PREP: variants seen among roughly 807,000 people sequenced by gnomAD.
PREP encodes the protein prolyl endopeptidase.
In PREP, 29 loss-of-function variants were observed where a neutral mutation model predicts 87.6. The ratio of observed to expected loss-of-function variants is 0.33; its 90% CI spans 0.25 to 0.45. The LOEUF (loss-of-function observed/expected upper bound fraction) is 0.45. Among genes scored for constraint, PREP ranks in the 20% least tolerant of loss-of-function variants. The pLI is 1.00. For missense variants in PREP, 695 were observed against 886.5 expected, an observed-to-expected ratio of 0.78 and a Z score of 2.74; for synonymous variants, 337 against 328.6, an observed-to-expected ratio of 1.03 and a Z score of -0.28.
chr6:105,397,055 C>T (rs1465839375), intron 2 of PREP, among the ~76,000 whole-genome samples: 6 of 152,016 alleles, frequency 3.9e-5, no homozygotes, highest in Admixed American at 3.9e-4. Context: ...TGTGGTGGCA[C>T]ATGCCTGTAA....
chr6:105,347,410 C>G (rs2114677047), intron 7 of PREP, among the ~76,000 whole-genome samples: 1 of 152,276 alleles, frequency 6.6e-6, no homozygotes, highest in Non-Finnish European at 1.5e-5. Context: ...TTAGGTACTC[C>G]TACATTTTAA....
At chr6:105,313,844 T>A (rs1770807744) in intron 10 of PREP, among the ~76,000 whole-genome samples, 1 of 152,212 alleles carries the variant, frequency 6.6e-6, no homozygotes, top group East Asian at 1.9e-4. Flanking sequence ...CAACCAGAGA[T>A]AAGATGACAA....
rs185240914 is a variant in PREP at position 105,357,076 on chromosome 6, T to G, written c.718-3999A>C. On this transcript the variant is annotated intron_variant, in intron 6 of 14. Transcript: ENST00000652536. ...TTCTATTATCCTTAAGCTTTTAATA[T>G]ACATGGCTAACAAAACTGTTCAGAA... is the stretch of plus-strand genomic sequence containing the variant. 2.6e-5 allele frequency among the ~76,000 whole-genome samples: 4 copies of G among 152,328 alleles called. 1 individual carries two copies. Among genetic ancestry groups the G allele is most frequent in the Middle Eastern group, 6.8e-3 (2 of 294 alleles).
chr6:105,387,867 C>T (rs773657112), intron 2 of PREP, among the ~76,000 whole-genome samples: 2 of 152,172 alleles, frequency 1.3e-5, no homozygotes, highest in Non-Finnish European at 1.5e-5. Context: ...TCTGGTCCTC[C>T]CAAGCTACAA....
In PREP at chr6:105,349,898, T is replaced by TAAA. The variant is rs1162063177; in HGVS notation, c.823+3071_823+3073dup. Reference sequence around the variant, plus strand: ...AGGATAACAAAATTGGGGAAGCAGGTAAAAAAAAAAAAAAAAAAAAAAAAG... The same window carrying TAAA: ...AGGATAACAAAATTGGGGAAGCAGGTAAAAAAAAAAAAAAAAAAAAAAAAAAAG... On this transcript the variant is annotated intron_variant, in intron 7 of 14. Coordinates refer to ENST00000652536, the MANE Select transcript of PREP (RefSeq NM_002726.5). Among the ~76,000 whole-genome samples the TAAA allele has an allele frequency of 3.5e-3, 206 of 59,396 alleles. 6 individuals carry two copies. The highest frequency in any genetic ancestry group is 0.033 in the East Asian group (71 of 2,150). 39.0% of individuals were successfully genotyped at this position (59,396 alleles called of 152,430 possible). A position where few individuals can be genotyped will look rare whatever the true frequency, so the allele number is the denominator to read the frequency against.
At chr6:105,296,013 C>T (rs1770401847) in intron 10 of PREP, among the ~76,000 whole-genome samples, 1 of 152,200 alleles carries the variant, frequency 6.6e-6, no homozygotes, top group South Asian at 2.1e-4. Flanking sequence ...AGACATGATA[C>T]TGCTAAATCG....
chr6:105,371,348 C>CA (rs996001522), intron 5 of PREP, among the ~76,000 whole-genome samples: 7 of 151,150 alleles, frequency 4.6e-5, no homozygotes, highest in African/African-American at 1.2e-4. Flanking sequence ...ACTAAAAATA[C>CA]AAAAAAAATT....
intron 6 of PREP, among the ~76,000 whole-genome samples, chr6:105,367,237 C>T (rs1318988867): frequency 6.6e-6 from 1 of 151,994 alleles, no homozygotes; most frequent in Non-Finnish European, 1.5e-5. Flanking sequence ...TATTTCATAT[C>T]TATGGTACGC....
At chr6:105,287,170 T>C (rs1309805237) in intron 11 of PREP, among the ~76,000 whole-genome samples, 1 of 152,090 alleles carries the variant, frequency 6.6e-6, no homozygotes, top group Non-Finnish European at 1.5e-5. Flanking sequence ...CAAAGAATAA[T>C]ATGGCATGTA....
rs915936712 is a variant in PREP at position 105,376,734 on chromosome 6, A to C, written c.255-479T>G. 1.1e-4 allele frequency among the ~76,000 whole-genome samples: 17 copies of C among 152,220 alleles called. 1 individual carries two copies. The highest frequency in any genetic ancestry group is 4.1e-4 in the African/African-American group (17 of 41,448). The stretch of plus-strand genomic sequence containing the variant: ...CTGTCACTATAATACTCAGGCCTGT[A>C]GCTGCAGCACAAAAGCAGCTATGGA... On this transcript the variant is annotated intron_variant, in intron 3 of 14. Transcript: ENST00000652536.
At chr6:105,387,294 G>C (rs1434317592) in intron 2 of PREP, among the ~76,000 whole-genome samples, 1 of 152,088 alleles carries the variant, frequency 6.6e-6, no homozygotes, top group Non-Finnish European at 1.5e-5. Flanking sequence ...TTTAACTGCT[G>C]TTTTCCCAAA....
At chr6:105,392,273 C>A (rs950227672) in intron 2 of PREP, among the ~76,000 whole-genome samples, 1 of 151,986 alleles carries the variant, frequency 6.6e-6, no homozygotes, top group African/African-American at 2.4e-5. Flanking sequence ...CTCCTGACCT[C>A]GTGATCCGCC....
At chr6:105,318,836 C>T (rs1057508186) in intron 10 of PREP, among the ~76,000 whole-genome samples, 5 of 152,232 alleles carry the variant, frequency 3.3e-5, no homozygotes, top group African/African-American at 1.2e-4. Flanking sequence ...TGGGAAGACA[C>T]TGCCACTCGT....
intron 2 of PREP, among the ~76,000 whole-genome samples, chr6:105,390,223 C>G (rs575316875): frequency 6.6e-6 from 1 of 152,282 alleles, no homozygotes; most frequent in East Asian, 1.9e-4. Flanking sequence ...TCACTTCCAG[C>G]TAGTCAGTGA....
At chr6:105,331,533 T>C (rs188299464) in intron 8 of PREP, among the ~76,000 whole-genome samples, 1 of 152,336 alleles carries the variant, frequency 6.6e-6, no homozygotes, top group Admixed American at 6.5e-5. Context: ...TGAAGACTTA[T>C]GCCACCCAAG....
chr6:105,302,913 G>A (rs949789705), intron 10 of PREP: 11 of 225,134 alleles, frequency 4.9e-5, no homozygotes, highest in South Asian at 4.1e-4. Flanking sequence ...CCTCAGGTCC[G>A]GAGCTCAAAG....
intron 10 of PREP, among the ~76,000 whole-genome samples, chr6:105,293,523 C>T (rs1770343712): frequency 6.7e-6 from 1 of 149,294 alleles, no homozygotes; most frequent in Non-Finnish European, 1.5e-5. Flanking sequence ...GACACAGAGG[C>T]ATGAATAAGC....
intron 10 of PREP, among the ~76,000 whole-genome samples, chr6:105,312,236 T>C (rs1217480865): frequency 2.6e-5 from 4 of 152,340 alleles, no homozygotes; most frequent in African/African-American, 7.2e-5. Flanking sequence ...CTTGTATGCA[T>C]ATATTAATGT....
At chr6:105,303,025 T>TTAATCCATG (rs553057588) in intron 10 of PREP, among the ~76,000 whole-genome samples, 354 of 152,220 alleles carry the variant, frequency 2.3e-3, no homozygotes, top group Non-Finnish European at 3.8e-3. Flanking sequence ...TGTTACCAGA[T>TTAATCCATG]TAATCCATGT....
Sources: allele counts gnomAD v4.1 joint callset (sites outside exome capture counted in the v4.1 genomes callset), GRCh38; gene constraint gnomAD v4.1.1; transcripts MANE v1.5; gene names NCBI Gene and HGNC (gene_info 2026-07-23, HGNC 2026-07-21).